STAT1: variants seen among roughly 807,000 people sequenced by gnomAD.
STAT1 encodes signal transducer and activator of transcription 1, also known as signal transducer and activator of transcription 1-alpha/beta.
STAT1 carries 24 observed loss-of-function variants against 111.7 expected under a neutral mutation model. That is an observed-to-expected ratio of 0.21 (90% CI 0.16 to 0.30). The LOEUF is 0.30. STAT1 is among the 10% of genes least tolerant of loss of function. STAT1 has a pLI of 1.00. For missense variants in STAT1, 351 were observed against 911.9 expected (o/e 0.38, Z 7.92); for synonymous variants, 332 against 326.5 (o/e 1.02, Z -0.18).
At chr2:191,008,492 A>G (rs1040301545) in intron 4 of STAT1, among the ~76,000 whole-genome samples, 1 of 152,230 alleles carries the variant, frequency 6.6e-6, no homozygotes, top group African/African-American at 2.4e-5. Context: ...AAGCAAGGCA[A>G]GGTGGAGTCT....
rs547977662 is a variant in STAT1 at position 190,986,183 on chromosome 2, C to G, written c.1222-523G>C. The stretch of plus-strand genomic sequence containing the variant: ...CGAGTTAGGTAGAGCTTCCTAGCTA[C>G]GAGGCTTGCTGGATCACAAAGTGGT... On this transcript the variant is annotated intron_variant, in intron 14 of 24. Coordinates refer to ENST00000361099, the MANE Select transcript of STAT1 (RefSeq NM_007315.4). The surrounding 1 kb of genome is among the most constrained non-coding windows in gnomAD (Gnocchi z 5.0). 4.6e-5 allele frequency among the ~76,000 whole-genome samples: 7 copies of G among 152,306 alleles called. No homozygotes were observed. The highest frequency in any genetic ancestry group is 4.6e-4 in the Admixed American group (7 of 15,302).
In STAT1 at chr2:190,979,028, G is replaced by A. The variant is rs1405959789; in HGVS notation, c.1728-27C>T. On this transcript the variant is annotated intron_variant, in intron 20 of 24. Transcript: ENST00000361099. The surrounding 1 kb of genome is among the most constrained non-coding windows in gnomAD (Gnocchi z 5.8). ...TGGATATCGAAGAGATGGACGGATG[G>A]GCTTTTAGTTCAATCATGATTTCCA... The A allele has an allele frequency of 1.2e-6, 2 of 1,613,880 alleles. No individual in the cohort carries two copies. The highest frequency in any genetic ancestry group is 4.5e-5 in the East Asian group (2 of 44,862).
In STAT1 at chr2:190,976,405, G is replaced by T. The variant is rs1691908412; in HGVS notation, c.2059+435C>A. On this transcript the variant is annotated intron_variant, in intron 22 of 24. Transcript: ENST00000361099. The surrounding 1 kb of genome is among the most constrained non-coding windows in gnomAD (Gnocchi z 6.0). Reference sequence around the variant, plus strand: ...GAGAAGCAAGAGACCTGTGTTCTCAGATGAGGCCTCCTCTTAATAATTATC... The same window carrying T: ...GAGAAGCAAGAGACCTGTGTTCTCATATGAGGCCTCCTCTTAATAATTATC... 6.6e-6 allele frequency among the ~76,000 whole-genome samples: 1 copy of T among 152,174 alleles called. No individual in the cohort carries two copies. The highest frequency in any genetic ancestry group is 6.5e-5 in the Admixed American group (1 of 15,278).
Position 190,980,614 on chromosome 2 carries a change from C to G in STAT1, c.1632+6G>C, listed in dbSNP as rs185216067. 2 of 1,614,146 alleles carry G rather than the reference C, an allele frequency of 1.2e-6. No homozygotes were observed. Among genetic ancestry groups the G allele is most frequent in the African/African-American group, 2.7e-5 (2 of 75,026 alleles). ...TTAGAGAGCATAAAACCCAGACAGTCCTCACCTTACAAAACCTCGTCCACG... is the reference window on the plus strand; with the variant it reads ...TTAGAGAGCATAAAACCCAGACAGTGCTCACCTTACAAAACCTCGTCCACG... On this transcript the variant is annotated splice_donor_region_variant and intron_variant, in intron 19 of 24. Transcript: ENST00000361099. The surrounding 1 kb of genome is among the most constrained non-coding windows in gnomAD (Gnocchi z 6.1).
chr2:190,980,697 G>A lies in STAT1; in HGVS notation c.1583-28C>T. On this transcript the variant is annotated intron_variant, in intron 18 of 24. Coordinates refer to ENST00000361099, the MANE Select transcript of STAT1 (RefSeq NM_007315.4). The surrounding 1 kb of genome is among the most constrained non-coding windows in gnomAD (Gnocchi z 6.1). ...AAACAAATAAAAACCAGATTTTTCA[G>A]CAAACAGAAACTGATTCTAAAGCTT... 6.2e-7 allele frequency: 1 copy of A among 1,612,542 alleles called. No homozygotes were observed. Among genetic ancestry groups the A allele is most frequent in the Non-Finnish European group, 8.5e-7 (1 of 1,178,538 alleles).
chr2:190,970,623 T>C lies in STAT1; in HGVS notation c.*80A>G, dbSNP rs1330776493. ...CTTTCATTTCCCTAGAAACACAGGATGTGAAGGAACAGAGTAGCAGGAGGG... is the reference window on the plus strand; with the variant it reads ...CTTTCATTTCCCTAGAAACACAGGACGTGAAGGAACAGAGTAGCAGGAGGG... On this transcript the variant is annotated 3_prime_UTR_variant, in exon 25 of 25. Coordinates refer to ENST00000361099, the MANE Select transcript of STAT1 (RefSeq NM_007315.4). This position sits in a 1 kb window ranked among gnomAD's most constrained non-coding sequence, Gnocchi z 5.4. 1.4e-6 allele frequency: 2 copies of C among 1,479,640 alleles called. No homozygotes were observed. The highest frequency in any genetic ancestry group is 2.3e-5 in the East Asian group (1 of 44,146). 91.7% of individuals were successfully genotyped at this position (1,479,640 alleles called of 1,614,324 possible).
chr2:190,976,848 G>A lies in STAT1; in HGVS notation c.2051C>T (p.Pro684Leu). The change falls in exon 22 of 25, where the codon CCA (proline) becomes CTA (leucine). Residue 684 changes from proline (P) to leucine (L), a missense_variant. Coordinates refer to ENST00000361099, the MANE Select transcript of STAT1 (RefSeq NM_007315.4). The surrounding 1 kb of genome is among the most constrained non-coding windows in gnomAD (Gnocchi z 6.0). ...DHAFGKYYSR[P>L]KEAPEPMELD... The stretch of plus-strand genomic sequence containing the variant: ...CTGCTTGCCCCACTTACCTTCCTTT[G>A]GCCTGGAGTAATACTTTCCAAAGGC... 6.2e-7 allele frequency: 1 copy of A among 1,613,902 alleles called. No individual in the cohort carries two copies. The highest frequency in any genetic ancestry group is 8.5e-7 in the Non-Finnish European group (1 of 1,179,858).
intron 5 of STAT1, among the ~76,000 whole-genome samples, chr2:191,005,862 C>T (rs1343674803): frequency 6.6e-6 from 1 of 152,220 alleles, no homozygotes; most frequent in Non-Finnish European, 1.5e-5. Context: ...CCAGAAACTT[C>T]CCTCACACCC....
Position 190,995,020 on chromosome 2 carries a change from G to C in STAT1, c.944+41C>G, listed in dbSNP as rs1693742026. 6.3e-7 allele frequency: 1 copy of C among 1,589,824 alleles called. No individual in the cohort carries two copies. The highest frequency in any genetic ancestry group is 1.4e-5 in the African/African-American group (1 of 73,336). ...TAACGGTAAAATGTTCCTCTGTATA[G>C]ACCGATTACAGAAGGTACAAATAAA... On this transcript the variant is annotated intron_variant, in intron 10 of 24. Coordinates refer to ENST00000361099, the MANE Select transcript of STAT1 (RefSeq NM_007315.4). This position sits in a 1 kb window ranked among gnomAD's most constrained non-coding sequence, Gnocchi z 4.2.
At chr2:190,992,334 T>C (rs1693428611) in intron 10 of STAT1, among the ~76,000 whole-genome samples, 2 of 152,208 alleles carry the variant, frequency 1.3e-5, no homozygotes, top group African/African-American at 2.4e-5. Context: ...AACACACCAA[T>C]ATAAACATCA....
intron 10 of STAT1, 79 bp from the exon 11 acceptor site, chr2:190,991,399 A>T (rs1693327623): frequency 7.5e-7 from 1 of 1,328,804 alleles, no homozygotes; most frequent in Admixed American, 1.8e-5. Context: ...TCCTGAAAGA[A>T]AAAAGGGGGT....
rs561210320 is a variant in STAT1, at chr2:190,998,607, A to G, written c.542-299T>C. On this transcript the variant is annotated intron_variant, in intron 7 of 24. Transcript: ENST00000361099. This position sits in a 1 kb window ranked among gnomAD's most constrained non-coding sequence, Gnocchi z 4.1. ...AACCCGGGAGGCGGAGCTTGGAGTG[A>G]GCCGAGATCTCGCCACTGCACTCTA... Among the ~76,000 whole-genome samples, 4 of 151,718 alleles carry G rather than the reference A, an allele frequency of 2.6e-5. No homozygotes were observed. The highest frequency in any genetic ancestry group is 9.7e-5 in the African/African-American group (4 of 41,416).
Position 190,975,312 on chromosome 2 carries a change from T to C in STAT1, c.2136-380A>G. The stretch of plus-strand genomic sequence containing the variant: ...TCTGGGGAGTCCCTCATCCCTACCT[T>C]GAGGTTTGAATGCAGATAAAGCTGC... On this transcript the variant is annotated intron_variant, in intron 23 of 24. Coordinates refer to ENST00000361099, the MANE Select transcript of STAT1 (RefSeq NM_007315.4). The surrounding 1 kb of genome is among the most constrained non-coding windows in gnomAD (Gnocchi z 5.9). 1 of 480,352 alleles carries C rather than the reference T, an allele frequency of 2.1e-6. No individual in the cohort carries two copies. Among genetic ancestry groups the C allele is most frequent in the Non-Finnish European group, 4.3e-6 (1 of 234,942 alleles). The allele number at this position is 480,352 out of a possible 1,614,324, so 29.8% of individuals were successfully genotyped here. A position where few individuals can be genotyped will look rare whatever the true frequency, so the allele number is the denominator to read the frequency against.
At position 191,007,788 on chromosome 2, in the gene STAT1, T is replaced by C. The variant is rs1694818754; in HGVS notation, c.274-127A>G. The C allele has an allele frequency of 4.1e-6, 3 of 724,846 alleles. No individual in the cohort carries two copies. In the South Asian group the frequency reaches 4.8e-5, roughly 12 times the overall value. 44.9% of individuals were successfully genotyped at this position (724,846 alleles called of 1,614,324 possible). On this transcript the variant is annotated intron_variant, in intron 4 of 24. Transcript: ENST00000361099. This position sits in a 1 kb window ranked among gnomAD's most constrained non-coding sequence, Gnocchi z 4.2. ...CTCATCTCTCATCTATTAAATTCTATATAAGCTATGTTTGTTAAAATCAAA... is the reference window on the plus strand; with the variant it reads ...CTCATCTCTCATCTATTAAATTCTACATAAGCTATGTTTGTTAAAATCAAA...
rs1040548422 is a variant in STAT1, at chr2:190,976,348, C to T, written c.2060-461G>A. Among the ~76,000 whole-genome samples the T allele has an allele frequency of 2.6e-5, 4 of 152,200 alleles. No homozygotes were observed. Among genetic ancestry groups the T allele is most frequent in the East Asian group, 1.9e-4 (1 of 5,196 alleles). On this transcript the variant is annotated intron_variant, in intron 22 of 24. Coordinates refer to ENST00000361099, the MANE Select transcript of STAT1 (RefSeq NM_007315.4). This position sits in a 1 kb window ranked among gnomAD's most constrained non-coding sequence, Gnocchi z 6.0. ...TGTTCCAAACAAAACAGGTCTAATTCGAACCTTCTCAAATGCAATTCATTG... is the reference window on the plus strand; with the variant it reads ...TGTTCCAAACAAAACAGGTCTAATTTGAACCTTCTCAAATGCAATTCATTG...
Position 191,003,798 on chromosome 2 carries a change from A to C in STAT1, c.373-2635T>G, listed in dbSNP as rs1048209377. On this transcript the variant is annotated intron_variant, in intron 5 of 24. Coordinates refer to ENST00000361099, the MANE Select transcript of STAT1 (RefSeq NM_007315.4). The surrounding 1 kb of genome is among the most constrained non-coding windows in gnomAD (Gnocchi z 4.0). ...GCAAGAACAGACTAATACAACTTCT[A>C]AGCCAGCAGGATGTGGGCACGGTGT... Among the ~76,000 whole-genome samples the C allele has an allele frequency of 1.3e-5, 2 of 152,180 alleles. No individual in the cohort carries two copies. Among genetic ancestry groups the C allele is most frequent in the African/African-American group, 4.8e-5 (2 of 41,438 alleles).
rs914202835 is a variant in STAT1 at position 190,993,676 on chromosome 2, G to A, written c.944+1385C>T. The A allele has an allele frequency of 3.0e-5, 14 of 472,906 alleles. No homozygotes were observed. The highest frequency in any genetic ancestry group is 6.9e-4 in the Middle Eastern group (2 of 2,898). 29.3% of individuals were successfully genotyped at this position (472,906 alleles called of 1,614,324 possible). ...GAAAGGAATGAGATAGGCTGTTCTGGGAGAGTAAATGTCTTCCCCGACTCT... is the reference window on the plus strand; with the variant it reads ...GAAAGGAATGAGATAGGCTGTTCTGAGAGAGTAAATGTCTTCCCCGACTCT... On this transcript the variant is annotated intron_variant, in intron 10 of 24. Coordinates refer to ENST00000361099, the MANE Select transcript of STAT1 (RefSeq NM_007315.4). The surrounding 1 kb of genome is among the most constrained non-coding windows in gnomAD (Gnocchi z 4.1).
At position 191,012,041 on chromosome 2, in the gene STAT1, G is replaced by A. The variant is rs559398023; in HGVS notation, c.-2+1484C>T. Among the ~76,000 whole-genome samples the A allele has an allele frequency of 1.7e-4, 26 of 151,848 alleles. 1 individual carries two copies. Among genetic ancestry groups the A allele is most frequent in the Admixed American group, 1.0e-3 (16 of 15,280 alleles). On this transcript the variant is annotated intron_variant, in intron 2 of 24. Coordinates refer to ENST00000361099, the MANE Select transcript of STAT1 (RefSeq NM_007315.4). The surrounding 1 kb of genome is among the most constrained non-coding windows in gnomAD (Gnocchi z 4.0). Reference sequence around the variant, plus strand: ...GCTGGGATTACAGGCGTGAGCTTCCGCACCCTGCCACAGTTGGTTCTTAAG... The same window carrying A: ...GCTGGGATTACAGGCGTGAGCTTCCACACCCTGCCACAGTTGGTTCTTAAG...
rs1275570134 is a variant in STAT1 at position 190,993,753 on chromosome 2, C to A, written c.944+1308G>T. Among the ~76,000 whole-genome samples the A allele has an allele frequency of 2.0e-5, 3 of 151,756 alleles. No individual in the cohort carries two copies. The highest frequency in any genetic ancestry group is 2.9e-5 in the Non-Finnish European group (2 of 67,964). The stretch of plus-strand genomic sequence containing the variant: ...CTGCCACTCAGCTATTGCTTCCACC[C>A]AAAATCAAGTACATTTTTATCATGT... On this transcript the variant is annotated intron_variant, in intron 10 of 24. Coordinates refer to ENST00000361099, the MANE Select transcript of STAT1 (RefSeq NM_007315.4). The surrounding 1 kb of genome is among the most constrained non-coding windows in gnomAD (Gnocchi z 4.1).
Sources: allele counts gnomAD v4.1 joint callset (sites outside exome capture counted in the v4.1 genomes callset), GRCh38; gene constraint gnomAD v4.1.1; non-coding constraint Gnocchi (gnomAD v3.1); transcripts MANE v1.5; gene names NCBI Gene and HGNC (gene_info 2026-07-23, HGNC 2026-07-21).